Variants in KAZN observed in about 807,000 individuals in gnomAD.
The protein encoded by KAZN is kazrin, periplakin interacting protein.
In KAZN, 40 loss-of-function variants were observed where a neutral mutation model predicts 87.4. That is an observed-to-expected ratio of 0.46 (90% CI 0.36 to 0.60). KAZN has a LOEUF of 0.60. Among genes scored for constraint, KAZN ranks in the 20% least tolerant of loss-of-function variants. The pLI, the probability that KAZN is intolerant of heterozygous loss-of-function variation, is 0.00. For synonymous variants in KAZN, 466 were observed against 458.3 expected (o/e 1.02, Z -0.22); for missense variants, 898 against 1,073.9 (o/e 0.84, Z 2.29).
chr1:15,100,034 C>T (rs1271292542), intron 10 of KAZN, among the ~76,000 whole-genome samples: 3 of 151,864 alleles, frequency 2.0e-5, no homozygotes, highest in Non-Finnish European at 2.9e-5. Flanking sequence ...AGCCAGGCAG[C>T]GTTAAGAGGA....
intron 1 of KAZN, among the ~76,000 whole-genome samples, chr1:14,607,590 T>G (rs1259206305): frequency 1.3e-5 from 2 of 152,238 alleles, no homozygotes; most frequent in Non-Finnish European, 2.9e-5. Flanking sequence ...CTGTCACTTC[T>G]GAAGAATCCG....
chr1:13,933,884 A>G (rs1478007327), intron 1 of KAZN, among the ~76,000 whole-genome samples: 1 of 152,196 alleles, frequency 6.6e-6, no homozygotes, highest in African/African-American at 2.4e-5. Flanking sequence ...GTCTGCCTCT[A>G]AGGCTGATGT....
intron 1 of KAZN, among the ~76,000 whole-genome samples, chr1:14,013,879 A>G (rs193146892): frequency 6.6e-5 from 10 of 152,272 alleles, no homozygotes; most frequent in African/African-American, 2.4e-4. Flanking sequence ...CATGACGATG[A>G]TGGCTCTGGA....
At chr1:14,822,728 C>T (rs1008316445) in intron 1 of KAZN, among the ~76,000 whole-genome samples, 2 of 152,212 alleles carry the variant, frequency 1.3e-5, no homozygotes, top group Admixed American at 6.5e-5. Context: ...CGTCGTGTTC[C>T]GGCATCTGGT....
At chr1:14,920,128 G>A (rs1371378933) in intron 1 of KAZN, among the ~76,000 whole-genome samples, 1 of 152,026 alleles carries the variant, frequency 6.6e-6, no homozygotes, top group African/African-American at 2.4e-5. Flanking sequence ...AAACATAATG[G>A]GGTCTCTTAA....
intron 1 of KAZN, among the ~76,000 whole-genome samples, chr1:14,847,787 C>T (rs1483726148): frequency 6.6e-6 from 1 of 152,126 alleles, no homozygotes; most frequent in Non-Finnish European, 1.5e-5. Context: ...TGGAGATCAG[C>T]CTGGGCAAAA....
intron 1 of KAZN, among the ~76,000 whole-genome samples, chr1:14,015,459 CTTTTTTTTTTTTTTTTTTTTTTT>C (rs70987713): frequency 4.0e-5 from 1 of 25,066 alleles, no homozygotes; most frequent in East Asian, 1.3e-3. Flanking sequence ...GTTACATCTA[CTTTTTTTTTTTTTTTTTTTTTTT>C]TTTTTTTTTT....
At chr1:14,977,883 C>CTTT (rs34375176) in intron 2 of KAZN, among the ~76,000 whole-genome samples, 8 of 91,144 alleles carry the variant, frequency 8.8e-5, no homozygotes, top group East Asian at 3.0e-4. Context: ...GGGTGCACGT[C>CTTT]TTTTTTTTTT....
chr1:14,397,931 T>G (rs778981629), intron 2 of KAZN, among the ~76,000 whole-genome samples: 1 of 151,210 alleles, frequency 6.6e-6, no homozygotes, highest in Non-Finnish European at 1.5e-5. Flanking sequence ...CACGAGTCCT[T>G]GCCTGATTCC....
At position 14,770,748 on chromosome 1, in the gene KAZN, T is replaced by C. The variant is rs967909109; in HGVS notation, c.226+171525T>C. On this transcript the variant is annotated intron_variant, in intron 1 of 14. Transcript: ENST00000376030. ...CAAAAAGTGGTCAAAGTTAGGAAATTGAATTTTCAAACACGTTAGGCCTTA... is the reference window on the plus strand; with the variant it reads ...CAAAAAGTGGTCAAAGTTAGGAAATCGAATTTTCAAACACGTTAGGCCTTA... Among the ~76,000 whole-genome samples, 7 of 152,288 alleles carry C rather than the reference T, an allele frequency of 4.6e-5. No homozygotes were observed. In the South Asian group the frequency reaches 1.2e-3, roughly 27 times the overall value.
intron 2 of KAZN, among the ~76,000 whole-genome samples, chr1:14,515,391 A>G (rs1671247637): frequency 6.6e-6 from 1 of 152,234 alleles, no homozygotes; most frequent in Non-Finnish European, 1.5e-5. Context: ...GGCAGTGTGA[A>G]TGCAGCAGGA....
At chr1:14,207,665 C>T (rs941186649) in intron 2 of KAZN, among the ~76,000 whole-genome samples, 1 of 152,120 alleles carries the variant, frequency 6.6e-6, no homozygotes, top group Non-Finnish European at 1.5e-5. Flanking sequence ...AATTTGGGGG[C>T]TGGGTGAGCG....
At chr1:14,999,092 AGGAGAATCG>A (rs1328579381) in intron 2 of KAZN, among the ~76,000 whole-genome samples, 1 of 152,300 alleles carries the variant, frequency 6.6e-6, no homozygotes, top group South Asian at 2.1e-4. Flanking sequence ...AGGCCGAGGC[AGGAGAATCG>A]CTTGAGCCCA....
At chr1:14,734,912 C>G (rs1248767541) in intron 1 of KAZN, among the ~76,000 whole-genome samples, 1 of 152,210 alleles carries the variant, frequency 6.6e-6, no homozygotes, top group African/African-American at 2.4e-5. Flanking sequence ...TTTTACCATG[C>G]CTCCCCATAG....
chr1:14,535,892 T>C (rs1337656644), intron 2 of KAZN, among the ~76,000 whole-genome samples: 1 of 152,186 alleles, frequency 6.6e-6, no homozygotes, highest in East Asian at 1.9e-4. Flanking sequence ...GGTTTTCCCA[T>C]TGTGGGACCA....
intron 2 of KAZN, among the ~76,000 whole-genome samples, chr1:14,549,612 C>CT (rs1557792993): frequency 4.4e-4 from 54 of 124,124 alleles, no homozygotes; most frequent in African/African-American, 1.5e-3. Flanking sequence ...CCAGGCAACC[C>CT]CTTTTTTTTT....
intron 1 of KAZN, chr1:14,924,650 C>A (rs1424916962): frequency 3.6e-6 from 3 of 824,162 alleles, no homozygotes; most frequent in African/African-American, 3.7e-5. Context: ...CGCGCGAGGG[C>A]GCTCGGAGCC....
At position 14,182,207 on chromosome 1, in the gene KAZN, C is replaced by G. The variant is rs1036499349; in HGVS notation, c.249+1615C>G. 1.3e-5 allele frequency among the ~76,000 whole-genome samples: 2 copies of G among 152,104 alleles called. 1 individual carries two copies. The highest frequency in any genetic ancestry group is 4.1e-4 in the South Asian group (2 of 4,824). Reference sequence around the variant, plus strand: ...CCAAATCGATGACTGCTAGAATGTTCTCCTTTAAATGGCCAGATAAAATGG... The same window carrying G: ...CCAAATCGATGACTGCTAGAATGTTGTCCTTTAAATGGCCAGATAAAATGG... On this transcript the variant is annotated intron_variant, in intron 2 of 16. Coordinates refer to the KAZN transcript ENST00000636203.
chr1:15,080,764 T>G (rs16851263), intron 8 of KAZN, among the ~76,000 whole-genome samples: 20,731 of 152,236 alleles, frequency 0.14, 1,934 homozygotes, highest in East Asian at 0.54. Context: ...TGACAGTAGT[T>G]GGCTGCCTGA....
Sources: gnomAD v4.1 joint callset for allele counts (sites outside exome capture counted in the v4.1 genomes callset) on GRCh38, gnomAD v4.1.1 for gene constraint, MANE v1.5 for transcripts, NCBI Gene and HGNC (gene_info 2026-07-23, HGNC 2026-07-21) for gene names.